SLC22A25: variants seen among roughly 807,000 people sequenced by gnomAD.
The protein encoded by SLC22A25 is solute carrier family 22 member 25.
In SLC22A25, 44 loss-of-function variants were observed where a neutral mutation model predicts 45.9. The ratio of observed to expected loss-of-function variants is 0.96; its 90% CI spans 0.75 to 1.23. The LOEUF is 1.23. SLC22A25 is among the 50% of genes most tolerant of loss of function. The pLI, the probability that SLC22A25 is intolerant of heterozygous loss-of-function variation, is 0.00. For missense variants in SLC22A25, 800 were observed against 666.4 expected (o/e 1.20, Z -2.21); for synonymous variants, 283 against 238.6 (o/e 1.19, Z -1.72).
At chr11:63,180,211 G>T (rs1420636922) in intron 9 of SLC22A25, among the ~76,000 whole-genome samples, 1 of 152,056 alleles carries the variant, frequency 6.6e-6, no homozygotes, top group African/African-American at 2.4e-5. Flanking sequence ...AGGATTTTCT[G>T]TTACGTCATC....
intron 3 of SLC22A25, among the ~76,000 whole-genome samples, chr11:63,237,390 A>AG (rs2090183167): frequency 6.6e-6 from 1 of 152,138 alleles, no homozygotes; most frequent in African/African-American, 2.4e-5. Context: ...GGGTTATTGC[A>AG]GGAGGGGATC....
At chr11:63,190,595 G>A (rs1351629273) in intron 7 of SLC22A25, among the ~76,000 whole-genome samples, 1 of 152,070 alleles carries the variant, frequency 6.6e-6, no homozygotes, top group Non-Finnish European at 1.5e-5. Context: ...GTGAGGAGCT[G>A]CATTCCTTTG....
intron 1 of SLC22A25, 100 bp downstream of exon 1, chr11:63,243,334 T>A (rs972690880): frequency 1.9e-6 from 1 of 522,162 alleles, no homozygotes; most frequent in Non-Finnish European, 3.5e-6. Context: ...CCATTTGGGA[T>A]GGAAAAGCAC....
intron 5 of SLC22A25, among the ~76,000 whole-genome samples, chr11:63,223,421 A>G (rs1266545299): frequency 6.6e-6 from 1 of 152,078 alleles, no homozygotes; most frequent in Non-Finnish European, 1.5e-5. Flanking sequence ...ATAATTGCTA[A>G]TAGTAGCCTC....
chr11:63,203,013 A>T (rs2089294373), intron 7 of SLC22A25, among the ~76,000 whole-genome samples: 1 of 152,226 alleles, frequency 6.6e-6, no homozygotes, highest in Admixed American at 6.5e-5. Context: ...ACCCAGGGAA[A>T]CAGGGTCTGG....
At chr11:63,228,301 A>G (rs140071043) in intron 5 of SLC22A25, among the ~76,000 whole-genome samples, 160 bp downstream of exon 5, 15 of 152,144 alleles carry the variant, frequency 9.9e-5, no homozygotes, top group African/African-American at 2.4e-4. Flanking sequence ...AAAAAATAGC[A>G]CTCACCACAC....
chr11:63,231,341 T>C (rs1401707568), intron 3 of SLC22A25, among the ~76,000 whole-genome samples: 6 of 152,224 alleles, frequency 3.9e-5, no homozygotes, highest in Non-Finnish European at 8.8e-5. Flanking sequence ...ATGATGGCCA[T>C]TCTAACTGGT....
intron 9 of SLC22A25, chr11:63,166,468 C>T: frequency 7.2e-7 from 1 of 1,395,016 alleles, no homozygotes. Flanking sequence ...TGAGGGACAA[C>T]AGATGTTGTA....
chr11:63,221,274 C>T (rs959589742), intron 5 of SLC22A25, among the ~76,000 whole-genome samples: 2 of 152,160 alleles, frequency 1.3e-5, no homozygotes, highest in African/African-American at 4.8e-5. Flanking sequence ...TTCTCCACAT[C>T]CTCACCAGCA....
intron 2 of SLC22A25, among the ~76,000 whole-genome samples, chr11:63,238,249 C>G (rs1046429887): frequency 1.3e-5 from 2 of 152,284 alleles, no homozygotes; most frequent in East Asian, 3.9e-4. Context: ...CACTTTTGCT[C>G]CATACTAAGT....
intron 10 of SLC22A25, among the ~76,000 whole-genome samples, chr11:63,165,320 C>A (rs2087642676): frequency 6.6e-6 from 1 of 152,122 alleles, no homozygotes; most frequent in Non-Finnish European, 1.5e-5. Flanking sequence ...TGCTGACATT[C>A]AAGAGGAGAA....
At chr11:63,177,283 T>G (rs890601340) in intron 9 of SLC22A25, among the ~76,000 whole-genome samples, 3 of 152,056 alleles carry the variant, frequency 2.0e-5, no homozygotes, top group Non-Finnish European at 2.9e-5. Flanking sequence ...TTTTGATATA[T>G]TCATACAGTA....
intron 7 of SLC22A25, among the ~76,000 whole-genome samples, chr11:63,211,200 A>C (rs1191710520): frequency 2.6e-5 from 4 of 152,298 alleles, no homozygotes; most frequent in African/African-American, 9.6e-5. Flanking sequence ...TGAGTCCGTC[A>C]ATACCCACTA....
intron 1 of SLC22A25, among the ~76,000 whole-genome samples, chr11:63,242,887 C>G (rs906278312): frequency 6.6e-6 from 1 of 152,184 alleles, no homozygotes; most frequent in Admixed American, 6.5e-5. Flanking sequence ...AAGCTCTGCT[C>G]GCCCACTGCC....
chr11:63,185,872 C>A (rs964497623), intron 7 of SLC22A25, among the ~76,000 whole-genome samples: 1 of 149,240 alleles, frequency 6.7e-6, no homozygotes, highest in Non-Finnish European at 1.5e-5. Context: ...AGGACGTGAA[C>A]TCATCATTTT....
chr11:63,211,289 T>C (rs866619202), intron 7 of SLC22A25, among the ~76,000 whole-genome samples: 3 of 152,270 alleles, frequency 2.0e-5, no homozygotes, highest in African/African-American at 7.2e-5. Flanking sequence ...ATGCAAGTCC[T>C]CCTGGAATAC....
chr11:63,191,100 G>A (rs925453159), intron 7 of SLC22A25, among the ~76,000 whole-genome samples: 11 of 151,988 alleles, frequency 7.2e-5, no homozygotes, highest in South Asian at 6.2e-4. Flanking sequence ...TTAAGTCTGC[G>A]GAGTTTTCTG....
At chr11:63,216,242 G>A (rs191836238) in intron 7 of SLC22A25, among the ~76,000 whole-genome samples, 16 of 152,242 alleles carry the variant, frequency 1.1e-4, no homozygotes, top group Admixed American at 5.9e-4. Context: ...GCTAGGTTGC[G>A]GAGAAAAAGG....
intron 9 of SLC22A25, among the ~76,000 whole-genome samples, chr11:63,175,146 CTAGAAG>C (rs1354754010): frequency 6.6e-6 from 1 of 152,048 alleles, no homozygotes; most frequent in African/African-American, 2.4e-5. Flanking sequence ...AACTGAGATC[CTAGAAG>C]TAGGATTGGT....
Sources: allele counts gnomAD v4.1 joint callset (sites outside exome capture counted in the v4.1 genomes callset), GRCh38; gene constraint gnomAD v4.1.1; transcripts MANE v1.5; gene names NCBI Gene and HGNC (gene_info 2026-07-23, HGNC 2026-07-21).